EHD2: variants seen among roughly 807,000 people sequenced by gnomAD.
EHD2 encodes EH domain containing 2, also known as EH domain-containing protein 2.
In EHD2, 27 loss-of-function variants were observed where a neutral mutation model predicts 41.0. The observed-to-expected ratio is 0.66, with a 90% CI of 0.49 to 0.91. EHD2 has a LOEUF of 0.91. Among genes scored for constraint, EHD2 ranks in the 40% least tolerant of loss-of-function variants. The pLI is 0.00. For missense variants in EHD2, 673 were observed against 773.9 expected (o/e 0.87, Z 1.55); for synonymous variants, 342 against 341.0 (o/e 1.00, Z -0.03).
chr19:47,738,862 G>C (rs934080012), intron 5 of EHD2, among the ~76,000 whole-genome samples: 1 of 152,126 alleles, frequency 6.6e-6, no homozygotes, highest in Non-Finnish European at 1.5e-5. Flanking sequence ...GACTGTCCTG[G>C]TGCAGTCTGG....
At chr19:47,726,387 A>G in intron 4 of EHD2, 163 bp downstream of exon 4, 1 of 738,446 alleles carries the variant, frequency 1.4e-6, no homozygotes, top group South Asian at 3.6e-5. Flanking sequence ...AACTGTATGG[A>G]GAGACTCATT....
intron 4 of EHD2, among the ~76,000 whole-genome samples, chr19:47,727,311 G>A (rs938330065): frequency 3.3e-5 from 5 of 151,708 alleles, no homozygotes; most frequent in African/African-American, 1.2e-4. Flanking sequence ...TGGTCAGGCT[G>A]GTCTTGAACT....
chr19:47,716,452 C>T (rs1433656752), intron 1 of EHD2, 106 bp from the exon 2 acceptor site: 2 of 653,304 alleles, frequency 3.1e-6, no homozygotes, highest in Admixed American at 6.9e-5. Flanking sequence ...TATCTGTGCT[C>T]CTCCTCCTCC....
At position 47,742,150 on chromosome 19, in the gene EHD2, TTCC is replaced by T; in HGVS notation, c.*720_*722del. 1 of 333,766 alleles carries T rather than the reference TTCC, an allele frequency of 3.0e-6. No individual in the cohort carries two copies. The highest frequency in any genetic ancestry group is 2.2e-5 in the African/African-American group (1 of 45,432). 20.7% of individuals were successfully genotyped at this position (333,766 alleles called of 1,614,324 possible). ...TTCCTTCCTTCCTTCCTTCTTTTCT[TTCC>T]TTCCTTCCTTCTTTTTTGTTTTTGC... On this transcript the variant is annotated 3_prime_UTR_variant, in exon 6 of 6. Transcript: ENST00000263277.
intron 1 of EHD2, among the ~76,000 whole-genome samples, chr19:47,715,506 T>G (rs1973616295): frequency 6.6e-6 from 1 of 152,088 alleles, no homozygotes; most frequent in Admixed American, 6.6e-5. Context: ...GGGTCCTTAC[T>G]GGGGGCCCTG....
chr19:47,734,516 C>A (rs1966901593), intron 4 of EHD2, among the ~76,000 whole-genome samples: 1 of 152,066 alleles, frequency 6.6e-6, no homozygotes, highest in African/African-American at 2.4e-5. Context: ...CTTTGGGAGG[C>A]TGAGGCAGGC....
At position 47,719,351 on chromosome 19, in the gene EHD2, C is replaced by T. The variant is rs913095283; in HGVS notation, c.502+745C>T. 2.0e-5 allele frequency among the ~76,000 whole-genome samples: 3 copies of T among 151,212 alleles called. No individual in the cohort carries two copies. Among genetic ancestry groups the T allele is most frequent in the Admixed American group, 6.6e-5 (1 of 15,196 alleles). ...TCTGCGTCTGGGCCACAGATGGGGC[C>T]GAGAAGGGGATGGGAAGGGAATCTG... On this transcript the variant is annotated intron_variant, in intron 3 of 5. Coordinates refer to ENST00000263277, the MANE Select transcript of EHD2 (RefSeq NM_014601.4). The surrounding 1 kb of genome is among the most constrained non-coding windows in gnomAD (Gnocchi z 4.1).
chr19:47,736,481 A>G lies in EHD2; in HGVS notation c.1028A>G (p.Gln343Arg). The G allele has an allele frequency of 6.2e-7, 1 of 1,612,798 alleles. No homozygotes were observed. The highest frequency in any genetic ancestry group is 2.2e-5 in the East Asian group (1 of 44,774). ...CTGCCCGTCATCTTTGCGAAGATTC[A>G]GCTGGAACATCACATCTCCCCTGGG... Reference protein sequence around the residue: ...LKLPVIFAKIQLEHHISPGDF... With the variant: ...LKLPVIFAKIRLEHHISPGDF... The change falls in exon 5 of 6, where the codon CAG (glutamine) becomes CGG (arginine). Residue 343 changes from glutamine to arginine, a missense_variant. By Grantham distance (43) the Gln-to-Arg change is conservative. Coordinates refer to ENST00000263277, the MANE Select transcript of EHD2 (RefSeq NM_014601.4).
At chr19:47,718,823 G>A (rs1306813754) in intron 3 of EHD2, among the ~76,000 whole-genome samples, 8 of 145,880 alleles carry the variant, frequency 5.5e-5, no homozygotes, top group African/African-American at 1.8e-4. Flanking sequence ...GGGAGGAGGG[G>A]CTGGGGGCCT....
intron 5 of EHD2, 134 bp downstream of exon 5, chr19:47,736,667 G>A (rs1022010365): frequency 1.0e-5 from 10 of 973,858 alleles, no homozygotes; most frequent in South Asian, 2.0e-5. Flanking sequence ...AAATAGTTCC[G>A]TGGGAGCATG....
In EHD2 at chr19:47,725,813, C is replaced by G. The variant is rs1412394263; in HGVS notation, c.504C>G (p.Gly168=). 6.3e-7 allele frequency: 1 copy of G among 1,575,270 alleles called. No homozygotes were observed. The highest frequency in any genetic ancestry group is 1.7e-5 in the Admixed American group (1 of 57,720). The change falls in exon 4 of 6, where the codon GGC becomes GGG. Residue 168 remains glycine, a splice_region_variant and synonymous_variant. Transcript: ENST00000263277. The part of the protein sequence containing the change: ...LSGAKQRVSR[G]YDFPAVLRWF... ...CCTGTCTCTCCACTCCCACTCCAGGCTACGACTTCCCGGCCGTGCTGCGCT... is the reference window on the plus strand; with the variant it reads ...CCTGTCTCTCCACTCCCACTCCAGGGTACGACTTCCCGGCCGTGCTGCGCT...
In EHD2 at chr19:47,724,083, C is replaced by CTT. The variant is rs34420590; in HGVS notation, c.503-1717_503-1716dup. Among the ~76,000 whole-genome samples, 242 of 143,868 alleles carry CTT rather than the reference C, an allele frequency of 1.7e-3. 2 individuals are homozygous for CTT. Among genetic ancestry groups the CTT allele is most frequent in the Middle Eastern group, 3.6e-3 (1 of 280 alleles). 94.4% of individuals were successfully genotyped at this position (143,868 alleles called of 152,430 possible). A position where few individuals can be genotyped will look rare whatever the true frequency, so the allele number is the denominator to read the frequency against. On this transcript the variant is annotated intron_variant, in intron 3 of 5. Coordinates refer to ENST00000263277, the MANE Select transcript of EHD2 (RefSeq NM_014601.4). Reference sequence around the variant, plus strand: ...ATATTCTTTTAATCTTCACAACAGTCTTTTTTTTTTTTTGAGACAGAGTCT... The same window carrying CTT: ...ATATTCTTTTAATCTTCACAACAGTCTTTTTTTTTTTTTTTGAGACAGAGTCT...
chr19:47,726,105 G>T lies in EHD2; in HGVS notation c.796G>T (p.Asp266Tyr). Residue 266 changes from aspartate to tyrosine, a missense_variant, in exon 4 of 6, where the codon GAC (aspartate) becomes TAC (tyrosine). Coordinates refer to ENST00000263277, the MANE Select transcript of EHD2 (RefSeq NM_014601.4). ...SFWSQPLLVP[D>Y]NRRLFELEEQ... ...CTGGTCCCAGCCCCTCCTCGTGCCCGACAACCGGCGCCTCTTCGAGCTGGA... is the reference window on the plus strand; with the variant it reads ...CTGGTCCCAGCCCCTCCTCGTGCCCTACAACCGGCGCCTCTTCGAGCTGGA... 6.4e-7 allele frequency: 1 copy of T among 1,573,822 alleles called. No homozygotes were observed. Among genetic ancestry groups the T allele is most frequent in the Non-Finnish European group, 8.6e-7 (1 of 1,160,760 alleles).
intron 4 of EHD2, among the ~76,000 whole-genome samples, chr19:47,734,688 T>G (rs1966903285): frequency 6.7e-6 from 1 of 149,668 alleles, no homozygotes; most frequent in African/African-American, 2.5e-5. Flanking sequence ...GAGGTTGCAG[T>G]GAGCCAAGAT....
At position 47,725,865 on chromosome 19, in the gene EHD2, A is replaced by AT. The variant is rs1973745121; in HGVS notation, c.557dup (p.Leu187ProfsTer4). 2.5e-6 allele frequency: 4 copies of AT among 1,612,160 alleles called. No homozygotes were observed. Among genetic ancestry groups the AT allele is most frequent in the African/African-American group, 1.3e-5 (1 of 74,838 alleles). On this transcript the variant is annotated frameshift_variant, in exon 4 of 6. Coordinates refer to ENST00000263277, the MANE Select transcript of EHD2 (RefSeq NM_014601.4). LOFTEE classifies it high-confidence loss of function. ...GTTCGCGGAGCGCGTGGACCTCATC[A>AT]TCCTGCTCTTTGATGCGCACAAGCT...
Position 47,741,863 on chromosome 19 carries a change from C to G in EHD2, c.*431C>G. 1 of 463,226 alleles carries G rather than the reference C, an allele frequency of 2.2e-6. No homozygotes were observed. Among genetic ancestry groups the G allele is most frequent in the South Asian group, 1.5e-5 (1 of 64,626 alleles). 28.7% of individuals were successfully genotyped at this position (463,226 alleles called of 1,614,324 possible). ...ACCTACACAGTCACGCAAACACACA[C>G]TAATTCCTGGCAGGGCCCCCAGCCC... On this transcript the variant is annotated 3_prime_UTR_variant, in exon 6 of 6. Transcript: ENST00000263277. The surrounding 1 kb of genome is among the most constrained non-coding windows in gnomAD (Gnocchi z 4.5).
chr19:47,740,938 G>A lies in EHD2; in HGVS notation c.1138G>A (p.Glu380Lys). ...TCACTCGCTGAAGCCGAAGCTGCTA[G>A]AGGCACTGGACGAGATGCTGACGCA... ...KFHSLKPKLL[E>K]ALDEMLTHDI... Residue 380 changes from glutamate to lysine, a missense_variant, in exon 6 of 6, where the codon GAG (glutamate) becomes AAG (lysine). Glu to Lys is a moderately conservative substitution (Grantham distance 56). Coordinates refer to ENST00000263277, the MANE Select transcript of EHD2 (RefSeq NM_014601.4). 1 of 1,613,036 alleles carries A rather than the reference G, an allele frequency of 6.2e-7. No individual in the cohort carries two copies. Among genetic ancestry groups the A allele is most frequent in the Non-Finnish European group, 8.5e-7 (1 of 1,179,856 alleles).
intron 5 of EHD2, among the ~76,000 whole-genome samples, chr19:47,739,935 C>T (rs542629280): frequency 1.4e-4 from 21 of 152,292 alleles, no homozygotes; most frequent in Non-Finnish European, 2.5e-4. Flanking sequence ...GGGGCCCCAG[C>T]CTCCCCACCC....
At position 47,741,036 on chromosome 19, in the gene EHD2, C is replaced by A. The variant is rs145597204; in HGVS notation, c.1236C>A (p.Gly412=). 4 of 1,609,486 alleles carry A rather than the reference C, an allele frequency of 2.5e-6. No homozygotes were observed. In the South Asian group the frequency reaches 4.4e-5, roughly 18 times the overall value. ...GCACCGAGGTGGGCGTGCAGGGGGG[C>A]GCTTTTGAGGGCACCCACATGGGCC... ...LESTEVGVQG[G]AFEGTHMGPF... is the part of the protein sequence containing the mutation. Residue 412 remains glycine, a synonymous_variant, in exon 6 of 6, where the codon GGC becomes GGA. Transcript: ENST00000263277. This position sits in a 1 kb window ranked among gnomAD's most constrained non-coding sequence, Gnocchi z 4.5.
Sources: allele counts gnomAD v4.1 joint callset (sites outside exome capture counted in the v4.1 genomes callset), GRCh38; gene constraint gnomAD v4.1.1; non-coding constraint Gnocchi (gnomAD v3.1); transcripts MANE v1.5; gene names NCBI Gene and HGNC (gene_info 2026-07-23, HGNC 2026-07-21).